The following CDH4 variants were observed in gnomAD, a reference collection of about 807,000 sequenced individuals.
CDH4 encodes cadherin 4, also known as cadherin-4.
A neutral mutation model predicts 86.0 loss-of-function variants in CDH4; 33 were observed. That is an observed-to-expected ratio of 0.38 (90% CI 0.29 to 0.51). The LOEUF (loss-of-function observed/expected upper bound fraction) is 0.51, where lower values mean the gene tolerates loss of function less well. CDH4 is among the 20% of genes least tolerant of loss of function. The probability of loss-of-function intolerance (pLI) is 0.86; values close to 1 mark genes in which losing one functional copy is unlikely to be tolerated. For missense variants in CDH4, 1,114 were observed against 1,307.4 expected, an observed-to-expected ratio of 0.85 and a Z score of 2.28; for synonymous variants, 555 against 549.4, an observed-to-expected ratio of 1.01 and a Z score of -0.14.
intron 2 of CDH4, among the ~76,000 whole-genome samples, chr20:61,418,835 G>A (rs2085161465): frequency 6.6e-6 from 1 of 152,020 alleles, no homozygotes; most frequent in East Asian, 1.9e-4. Flanking sequence ...TTATATGGCA[G>A]CACCCCCACA....
At chr20:61,791,586 G>T (rs889196683) in intron 4 of CDH4, among the ~76,000 whole-genome samples, 8 of 152,234 alleles carry the variant, frequency 5.3e-5, no homozygotes, top group African/African-American at 1.7e-4. Context: ...GTGGAGACAG[G>T]CGGTAAAGGC....
chr20:61,939,168 G>A lies in CDH4; in HGVS notation c.*2225G>A, dbSNP rs4925325. On this transcript the variant is annotated 3_prime_UTR_variant, in exon 16 of 16. Transcript: ENST00000614565. ...CAGTCCTTCGGAGTATGCGTGGATT[G>A]TTCGAAGTGTGACTATGGCCCGGGA... The A allele has an allele frequency of 0.23, 34,406 of 152,220 alleles. 4,214 individuals are homozygous for A. Among genetic ancestry groups the A allele is most frequent in the East Asian group, 0.36 (1,854 of 5,160 alleles). 9.4% of individuals were successfully genotyped at this position (152,220 alleles called of 1,614,324 possible).
At chr20:61,391,534 T>C (rs530155147) in intron 2 of CDH4, among the ~76,000 whole-genome samples, 197 of 133,136 alleles carry the variant, frequency 1.5e-3, no homozygotes, top group African/African-American at 5.4e-3. Flanking sequence ...GCTCAGCAAT[T>C]GTCTAAACAG....
chr20:61,466,896 C>T (rs2085475179), intron 2 of CDH4, among the ~76,000 whole-genome samples: 1 of 50,262 alleles, frequency 2.0e-5, no homozygotes, highest in African/African-American at 8.0e-5. Flanking sequence ...GCAAGTAAGA[C>T]TGAGGGCGGG....
At chr20:61,700,875 G>A (rs1012701617) in intron 2 of CDH4, among the ~76,000 whole-genome samples, 6 of 152,212 alleles carry the variant, frequency 3.9e-5, no homozygotes, top group African/African-American at 1.2e-4. Context: ...TCTTGACAGC[G>A]GACCGACATC....
intron 2 of CDH4, among the ~76,000 whole-genome samples, chr20:61,706,915 C>T (rs6121457): frequency 0.37 from 56,073 of 152,154 alleles, 11,274 homozygotes; most frequent in African/African-American, 0.47. Context: ...TGAAGAGAGG[C>T]GTCTGTGGCA....
chr20:61,528,728 T>C (rs2085931010), intron 2 of CDH4, among the ~76,000 whole-genome samples: 1 of 152,098 alleles, frequency 6.6e-6, no homozygotes, highest in South Asian at 2.1e-4. Context: ...ATGATTTAGA[T>C]AGGCTGGAAA....
At chr20:61,691,625 C>T (rs959142491) in intron 2 of CDH4, among the ~76,000 whole-genome samples, 3 of 152,222 alleles carry the variant, frequency 2.0e-5, no homozygotes, top group African/African-American at 7.2e-5. Flanking sequence ...ATGGTCCAGC[C>T]TTCTGCACCC....
chr20:61,368,879 A>G (rs28860773), intron 2 of CDH4, among the ~76,000 whole-genome samples: 26,720 of 152,166 alleles, frequency 0.18, 3,024 homozygotes, highest in East Asian at 0.36. Context: ...AGTAATCAAA[A>G]TTAATATCAC....
In CDH4 at chr20:61,256,907, T is replaced by C. The variant is rs80339443; in HGVS notation, c.169+1970T>C. ...CAGGAAGAAAGAGATGTTTTATATC[T>C]TACAAATAATTTTGCACATATGGAG... On this transcript the variant is annotated intron_variant, in intron 2 of 15. Transcript: ENST00000614565. Among the ~76,000 whole-genome samples, 1,012 of 152,290 alleles carry C rather than the reference T, an allele frequency of 6.6e-3. 4 individuals are homozygous for C. Among genetic ancestry groups the C allele is most frequent in the Non-Finnish European group, 0.011 (741 of 68,026 alleles).
At chr20:61,348,809 C>T (rs753234618) in intron 2 of CDH4, among the ~76,000 whole-genome samples, 1 of 152,124 alleles carries the variant, frequency 6.6e-6, no homozygotes, top group African/African-American at 2.4e-5. Flanking sequence ...CTCTGATGGC[C>T]GCCAGTAACT....
intron 3 of CDH4, among the ~76,000 whole-genome samples, chr20:61,764,742 C>T (rs554742002): frequency 6.6e-6 from 1 of 152,336 alleles, no homozygotes; most frequent in East Asian, 1.9e-4. Context: ...GCGCCCCAGC[C>T]TTCGGCTTCT....
chr20:61,923,789 C>A, intron 10 of CDH4, 85 bp downstream of exon 10: 1 of 1,511,994 alleles, frequency 6.6e-7, no homozygotes, highest in South Asian at 1.2e-5. Flanking sequence ...ATGAAACCCA[C>A]AGCCCAGAAT....
intron 4 of CDH4, among the ~76,000 whole-genome samples, chr20:61,826,551 C>A (rs191441893): frequency 6.6e-6 from 1 of 152,300 alleles, no homozygotes; most frequent in South Asian, 2.1e-4. Context: ...TAAGCTAGGG[C>A]GGTGATGGGG....
In CDH4 at chr20:61,355,297, C is replaced by T. The variant is rs114617834; in HGVS notation, c.169+100360C>T. Among the ~76,000 whole-genome samples the T allele has an allele frequency of 3.2e-3, 487 of 152,278 alleles. 2 individuals carry two copies. Among genetic ancestry groups the T allele is most frequent in the African/African-American group, 0.011 (467 of 41,546 alleles). ...TGGAGCAGGAACCGGACTCTCATTC[C>T]GCCTCTGCTGGCACAAAACTGTGGA... On this transcript the variant is annotated intron_variant, in intron 2 of 15. Transcript: ENST00000614565.
rs546400041 is a variant in CDH4, at chr20:61,478,675, C to T, written c.169+223738C>T. ...ACAGGTCTACCAAGGAGTCGAAGCC[C>T]GGCGTGTAGCAGACATAACAGCAAG... On this transcript the variant is annotated intron_variant, in intron 2 of 15. Coordinates refer to ENST00000614565, the MANE Select transcript of CDH4 (RefSeq NM_001794.5). Among the ~76,000 whole-genome samples, 20 of 152,268 alleles carry T rather than the reference C, an allele frequency of 1.3e-4. No individual in the cohort carries two copies. The East Asian group carries it at 2.9e-3, about 22-fold the overall frequency.
rs760357766 is a variant in CDH4, at chr20:61,929,711, C to A, written c.2108C>A (p.Thr703Lys). The A allele has an allele frequency of 1.2e-6, 2 of 1,614,198 alleles. No homozygotes were observed. The highest frequency in any genetic ancestry group is 1.1e-5 in the South Asian group (1 of 91,086). The change falls in exon 13 of 16, where the codon ACG becomes AAG. Residue 703 changes from threonine (T) to lysine (K), a missense_variant. By Grantham distance (78) the Thr-to-Lys change is moderately conservative. Coordinates refer to ENST00000614565, the MANE Select transcript of CDH4 (RefSeq NM_001794.5). ...TDSGNPPLSN[T>K]SIIKVKVCPC... ...TCTGGAAACCCTCCCCTGTCCAACA[C>A]GTCCATCATCAAAGTCAAGGTGTGC...
chr20:61,561,028 G>A (rs1937318), intron 2 of CDH4, among the ~76,000 whole-genome samples: 40,453 of 152,034 alleles, frequency 0.27, 5,962 homozygotes, highest in African/African-American at 0.39. Flanking sequence ...ATTATGCCCC[G>A]GGCCCAGGTC....
At chr20:61,307,596 C>T (rs4812299) in intron 2 of CDH4, among the ~76,000 whole-genome samples, 86,029 of 152,186 alleles carry the variant, frequency 0.57, 25,621 homozygotes, top group Non-Finnish European at 0.66. Flanking sequence ...AAGTCCCTGC[C>T]CCATCCACCT....
Sources: allele counts gnomAD v4.1 joint callset (sites outside exome capture counted in the v4.1 genomes callset), GRCh38; gene constraint gnomAD v4.1.1; transcripts MANE v1.5; gene names NCBI Gene and HGNC (gene_info 2026-07-23, HGNC 2026-07-21).